CUL5: variants seen among roughly 807,000 people sequenced by gnomAD.
The protein encoded by CUL5 is cullin-5.
Under a neutral mutation model 108.8 loss-of-function variants are expected in CUL5, and 26 were observed. The ratio of observed to expected loss-of-function variants is 0.24; its 90% CI spans 0.18 to 0.33. The LOEUF is 0.33. Ranked by LOEUF, CUL5 falls within the 10% of genes least tolerant of loss-of-function variation. The pLI, the probability that CUL5 is intolerant of heterozygous loss-of-function variation, is 1.00. For missense variants in CUL5, 524 were observed against 909.2 expected, an observed-to-expected ratio of 0.58 and a Z score of 5.45; for synonymous variants, 334 against 298.0, an observed-to-expected ratio of 1.12 and a Z score of -1.25.
chr11:108,102,316 C>T (rs767729201), intron 18 of CUL5, among the ~76,000 whole-genome samples: 3 of 151,646 alleles, frequency 2.0e-5, no homozygotes, highest in Non-Finnish European at 4.4e-5. Flanking sequence ...GCGTGAGCCA[C>T]CATGCCCGGC....
At chr11:108,024,674 G>A (rs891114277) in intron 1 of CUL5, among the ~76,000 whole-genome samples, 15 of 152,050 alleles carry the variant, frequency 9.9e-5, no homozygotes, top group East Asian at 1.9e-4. Flanking sequence ...CAAACCATTC[G>A]TGGAAATGTA....
intron 8 of CUL5, among the ~76,000 whole-genome samples, chr11:108,071,799 C>T (rs934680377): frequency 2.0e-5 from 3 of 152,138 alleles, no homozygotes; most frequent in Middle Eastern, 3.2e-3. Flanking sequence ...AATGATCCTC[C>T]CACCTTGGCC....
At chr11:108,018,982 A>T (rs1862267603) in intron 1 of CUL5, among the ~76,000 whole-genome samples, 1 of 152,086 alleles carries the variant, frequency 6.6e-6, no homozygotes, top group African/African-American at 2.4e-5. Flanking sequence ...CTCAGAAAAA[A>T]ATTGCGTCTG....
chr11:108,050,368 ACT>A (rs1415717233), intron 4 of CUL5, among the ~76,000 whole-genome samples: 3 of 131,094 alleles, frequency 2.3e-5, no homozygotes, highest in African/African-American at 8.5e-5. Context: ...CTTTCTTTGT[ACT>A]CTTTTTTTTT....
At chr11:108,043,620 C>G (rs1453979495) in intron 2 of CUL5, among the ~76,000 whole-genome samples, 2 of 152,168 alleles carry the variant, frequency 1.3e-5, no homozygotes, top group Non-Finnish European at 2.9e-5. Flanking sequence ...TTTCCTGGCT[C>G]CACCATAAAC....
intron 1 of CUL5, among the ~76,000 whole-genome samples, chr11:108,018,726 C>G (rs182637241): frequency 1.3e-5 from 2 of 151,936 alleles, no homozygotes; most frequent in Admixed American, 1.3e-4. Flanking sequence ...ATGTGGCACC[C>G]GCACACATTT....
At chr11:108,023,757 C>T (rs1862386372) in intron 1 of CUL5, among the ~76,000 whole-genome samples, 1 of 152,128 alleles carries the variant, frequency 6.6e-6, no homozygotes. Flanking sequence ...ATTATTCTTG[C>T]TTTTTCCTTA....
intron 10 of CUL5, chr11:108,074,032 T>C (rs1479945249): frequency 6.6e-6 from 1 of 152,200 alleles, no homozygotes; most frequent in Non-Finnish European, 1.5e-5. Flanking sequence ...CTTAGCATTG[T>C]ATCTTTTTTA....
At chr11:108,045,750 C>T (rs192555853) in intron 2 of CUL5, among the ~76,000 whole-genome samples, 2 of 152,258 alleles carry the variant, frequency 1.3e-5, no homozygotes, top group East Asian at 3.9e-4. Flanking sequence ...AGTACCAGCT[C>T]TTAGAAGGCT....
intron 18 of CUL5, among the ~76,000 whole-genome samples, chr11:108,103,243 G>C (rs1864714184): frequency 1.3e-5 from 2 of 152,128 alleles, no homozygotes; most frequent in South Asian, 4.1e-4. Flanking sequence ...AAATGACCTA[G>C]ATGAAAAAGA....
At position 108,093,761 on chromosome 11, in the gene CUL5, G is replaced by A. The variant is rs367739050; in HGVS notation, c.1444-630G>A. ...GATCTTCTGTTGCCCAGGCTGGAGC[G>A]CAGTGACACAATCAGAGCTTAAACT... On this transcript the variant is annotated intron_variant, in intron 13 of 18. Transcript: ENST00000393094. Among the ~76,000 whole-genome samples, 259 of 152,152 alleles carry A rather than the reference G, an allele frequency of 1.7e-3. 2 individuals are homozygous for A. Among genetic ancestry groups the A allele is most frequent in the African/African-American group, 5.8e-3 (240 of 41,520 alleles).
At chr11:108,084,087 A>G (rs1235732635) in intron 11 of CUL5, among the ~76,000 whole-genome samples, 2 of 152,110 alleles carry the variant, frequency 1.3e-5, no homozygotes, top group Non-Finnish European at 2.9e-5. Flanking sequence ...AAGCCAAAAG[A>G]TTGGACACCC....
intron 17 of CUL5, 22 bp from the exon 18 acceptor site, chr11:108,098,384 C>A: frequency 6.3e-7 from 1 of 1,585,648 alleles, no homozygotes; most frequent in South Asian, 1.2e-5. Flanking sequence ...CCATAAAATA[C>A]TTGATGCAAT....
chr11:108,046,612 G>GT, intron 3 of CUL5: 1 of 316,304 alleles, frequency 3.2e-6, no homozygotes, highest in Non-Finnish European at 5.7e-6. Context: ...AGCGAATTCA[G>GT]TTTTTTATAT....
intron 18 of CUL5, among the ~76,000 whole-genome samples, chr11:108,103,651 C>T (rs972944141): frequency 5.9e-5 from 9 of 152,048 alleles, no homozygotes; most frequent in Admixed American, 5.9e-4. Flanking sequence ...AGGTTATATA[C>T]ACATTGTTTT....
At chr11:108,081,371 G>T (rs966274564) in intron 11 of CUL5, among the ~76,000 whole-genome samples, 1 of 152,116 alleles carries the variant, frequency 6.6e-6, no homozygotes, top group Non-Finnish European at 1.5e-5. Flanking sequence ...TTTGTATATG[G>T]TGTGAGATAC....
At chr11:108,058,802 C>G (rs1375927209) in intron 7 of CUL5, among the ~76,000 whole-genome samples, 1 of 152,064 alleles carries the variant, frequency 6.6e-6, no homozygotes, top group African/African-American at 2.4e-5. Context: ...CACTTAGACC[C>G]TACTTAGATC....
intron 2 of CUL5, among the ~76,000 whole-genome samples, chr11:108,038,938 A>G (rs753275756): frequency 6.6e-6 from 1 of 151,818 alleles, no homozygotes; most frequent in Non-Finnish European, 1.5e-5. Flanking sequence ...TCTCTATTGA[A>G]GTACTCTTGG....
chr11:108,084,489 C>A (rs112573913), intron 11 of CUL5, among the ~76,000 whole-genome samples: 5 of 152,318 alleles, frequency 3.3e-5, no homozygotes, highest in African/African-American at 1.2e-4. Flanking sequence ...AGGGACATAT[C>A]TTCGATTCAG....
Sources: gnomAD v4.1 joint callset for allele counts (sites outside exome capture counted in the v4.1 genomes callset) on GRCh38, gnomAD v4.1.1 for gene constraint, MANE v1.5 for transcripts, NCBI Gene and HGNC (gene_info 2026-07-23, HGNC 2026-07-21) for gene names.